Variants in IQGAP2 observed in about 807,000 individuals in gnomAD.
The protein encoded by IQGAP2 is ras GTPase-activating-like protein IQGAP2.
In IQGAP2, 173 loss-of-function variants were observed where a neutral mutation model predicts 201.3. That is an observed-to-expected ratio of 0.86 (90% CI 0.76 to 0.98). IQGAP2 has a LOEUF of 0.98. Among genes scored for constraint, IQGAP2 ranks in the 50% least tolerant of loss-of-function variants. The pLI, the probability that IQGAP2 is intolerant of heterozygous loss-of-function variation, is 0.00. For missense variants in IQGAP2, 1,687 were observed against 1,864.8 expected (o/e 0.90, Z 1.76); for synonymous variants, 675 against 673.9 (o/e 1.00, Z -0.03).
intron 1 of IQGAP2, among the ~76,000 whole-genome samples, chr5:76,417,975 G>C (rs187592163): frequency 6.6e-6 from 1 of 151,554 alleles, no homozygotes; most frequent in South Asian, 2.1e-4. Context: ...TTGGGAGGCC[G>C]AGGCAGGCAG....
intron 2 of IQGAP2, among the ~76,000 whole-genome samples, chr5:76,560,579 G>A (rs1303337599): frequency 6.6e-6 from 1 of 152,140 alleles, no homozygotes; most frequent in Non-Finnish European, 1.5e-5. Context: ...CCAAGTCCAG[G>A]TTCTACCACC....
intron 15 of IQGAP2, among the ~76,000 whole-genome samples, chr5:76,633,946 C>T (rs759861819): frequency 3.9e-5 from 6 of 152,054 alleles, no homozygotes; most frequent in African/African-American, 1.2e-4. Flanking sequence ...CTGTATTCTG[C>T]GCCACCCCCT....
chr5:76,496,700 GTCTCTTTCTTTCTTTCTTTCTTTCTTT>G lies in IQGAP2; in HGVS notation c.146+35035_146+35061del, dbSNP rs1475892969. 8.4e-3 allele frequency among the ~76,000 whole-genome samples: 592 copies of G among 70,616 alleles called. 3 individuals are homozygous for G. Among genetic ancestry groups the G allele is most frequent in the Non-Finnish European group, 0.012 (443 of 37,680 alleles). 46.3% of individuals were successfully genotyped at this position (70,616 alleles called of 152,430 possible). A position where few individuals can be genotyped will look rare whatever the true frequency, so the allele number is the denominator to read the frequency against. ...GTACCAAATATTTTTCTTTCTTTCTGTCTCTTTCTTTCTTTCTTTCTTTCTTTTCTTTCTTTCTTTCTTTCTTTCTTT... is the reference window on the plus strand; with the variant it reads ...GTACCAAATATTTTTCTTTCTTTCTGTCTTTCTTTCTTTCTTTCTTTCTTT... On this transcript the variant is annotated intron_variant, in intron 2 of 35. Transcript: ENST00000274364.
intron 17 of IQGAP2, among the ~76,000 whole-genome samples, chr5:76,651,254 CT>C (rs1166877671): frequency 1.8e-4 from 28 of 152,250 alleles, no homozygotes; most frequent in Middle Eastern, 6.8e-3. Context: ...TCTAGGAACC[CT>C]CATAATTTTT....
chr5:76,511,156 G>T (rs1429633237), intron 2 of IQGAP2, among the ~76,000 whole-genome samples: 1 of 152,170 alleles, frequency 6.6e-6, no homozygotes, highest in Non-Finnish European at 1.5e-5. Flanking sequence ...GAAAACCTTG[G>T]TTGCGATGGT....
chr5:76,575,823 T>C (rs2150281885), intron 5 of IQGAP2, 54 bp downstream of exon 5: 3 of 1,018,420 alleles, frequency 2.9e-6, no homozygotes, highest in Middle Eastern at 4.3e-4. Flanking sequence ...TAAATAAAAC[T>C]AAAATTTCAA....
chr5:76,557,880 C>T (rs922159475), intron 2 of IQGAP2, among the ~76,000 whole-genome samples: 1 of 152,094 alleles, frequency 6.6e-6, no homozygotes, highest in Non-Finnish European at 1.5e-5. Flanking sequence ...GATCTTGGCT[C>T]ACTGCAACCT....
intron 2 of IQGAP2, among the ~76,000 whole-genome samples, chr5:76,557,754 T>C (rs1744047417): frequency 6.6e-6 from 1 of 152,232 alleles, no homozygotes; most frequent in African/African-American, 2.4e-5. Context: ...GGCTATATTT[T>C]AAATAGGTTG....
intron 19 of IQGAP2, 151 bp from the exon 20 acceptor site, chr5:76,654,783 A>G: frequency 1.8e-6 from 1 of 569,042 alleles, no homozygotes; most frequent in Non-Finnish European, 3.1e-6. Context: ...AAGAAAATGG[A>G]AAAATAAATG....
chr5:76,542,987 G>A (rs1275782854), intron 2 of IQGAP2, among the ~76,000 whole-genome samples: 1 of 152,164 alleles, frequency 6.6e-6, no homozygotes, highest in Non-Finnish European at 1.5e-5. Flanking sequence ...AAATACAAAT[G>A]TTTCATGTCT....
intron 2 of IQGAP2, among the ~76,000 whole-genome samples, chr5:76,470,731 T>C (rs1397690051): frequency 6.6e-6 from 1 of 152,162 alleles, no homozygotes; most frequent in East Asian, 1.9e-4. Flanking sequence ...TTTTTTTTAA[T>C]TGGGAGCTGT....
At chr5:76,500,998 A>G (rs1296200937) in intron 2 of IQGAP2, among the ~76,000 whole-genome samples, 1 of 152,174 alleles carries the variant, frequency 6.6e-6, no homozygotes, top group Non-Finnish European at 1.5e-5. Flanking sequence ...TGCCATTTCT[A>G]CCATGGACAG....
intron 2 of IQGAP2, among the ~76,000 whole-genome samples, chr5:76,484,902 A>C (rs957905642): frequency 6.6e-6 from 1 of 151,962 alleles, no homozygotes; most frequent in African/African-American, 2.4e-5. Context: ...CATGATCACG[A>C]CTCATTGCAG....
intron 13 of IQGAP2, chr5:76,623,483 A>G: frequency 2.0e-6 from 1 of 490,514 alleles, no homozygotes; most frequent in Non-Finnish European, 3.6e-6. Context: ...GGAGAAAGGC[A>G]TTTAACTCTT....
chr5:76,540,014 A>G (rs1742652106), intron 2 of IQGAP2, among the ~76,000 whole-genome samples: 1 of 152,182 alleles, frequency 6.6e-6, no homozygotes, highest in African/African-American at 2.4e-5. Context: ...CACCTTGGAA[A>G]GGTATGGTAG....
chr5:76,538,544 T>C (rs1412372058), intron 2 of IQGAP2, among the ~76,000 whole-genome samples: 2 of 152,308 alleles, frequency 1.3e-5, no homozygotes, highest in Non-Finnish European at 2.9e-5. Context: ...ACCCAGCTGA[T>C]CTAGAGAGAG....
intron 2 of IQGAP2, among the ~76,000 whole-genome samples, chr5:76,544,735 C>A (rs1580420661): frequency 6.6e-6 from 1 of 152,124 alleles, no homozygotes; most frequent in Admixed American, 6.5e-5. Flanking sequence ...GTAAAAGGCC[C>A]AAAGGAGGGG....
At chr5:76,661,385 A>T (rs1216639047) in intron 21 of IQGAP2, among the ~76,000 whole-genome samples, 1 of 152,188 alleles carries the variant, frequency 6.6e-6, no homozygotes, top group African/African-American at 2.4e-5. Context: ...ATAAAAAATA[A>T]AAAAGTATAG....
Position 76,611,251 on chromosome 5 carries a change from G to A in IQGAP2, c.1521+68G>A, listed in dbSNP as rs1748385064. The A allele has an allele frequency of 1.1e-5, 14 of 1,220,226 alleles. No individual in the cohort carries two copies. The South Asian group carries it at 2.1e-4, about 18-fold the overall frequency. 75.6% of individuals were successfully genotyped at this position (1,220,226 alleles called of 1,614,324 possible). On this transcript the variant is annotated intron_variant, in intron 13 of 35. Coordinates refer to ENST00000274364, the MANE Select transcript of IQGAP2 (RefSeq NM_006633.5). ...GGTGGCAGAGGGAGAGAAGGAGGAG[G>A]ATTTGACCCATTTACGTTAAATCTC...
Sources: allele counts gnomAD v4.1 joint callset (sites outside exome capture counted in the v4.1 genomes callset), GRCh38; gene constraint gnomAD v4.1.1; transcripts MANE v1.5; gene names NCBI Gene and HGNC (gene_info 2026-07-23, HGNC 2026-07-21).